Variants in RANBP17 observed in about 807,000 individuals in gnomAD.
RANBP17 encodes ran-binding protein 17.
RANBP17 carries 158 observed loss-of-function variants against 141.2 expected under a neutral mutation model. The ratio of observed to expected loss-of-function variants is 1.12; its 90% CI spans 0.98 to 1.28. The LOEUF (loss-of-function observed/expected upper bound fraction) is 1.28, where lower values mean the gene tolerates loss of function less well. RANBP17 is among the 50% of genes most tolerant of loss of function. The pLI is 0.00. For missense variants in RANBP17, 1,438 were observed against 1,290.7 expected, an observed-to-expected ratio of 1.11 and a Z score of -1.75; for synonymous variants, 430 against 450.0, an observed-to-expected ratio of 0.96 and a Z score of 0.56.
At position 170,896,126 on chromosome 5, in the gene RANBP17, CT is replaced by C; in HGVS notation, c.489+14del. 6.3e-7 allele frequency: 1 copy of C among 1,586,948 alleles called. No homozygotes were observed. The highest frequency in any genetic ancestry group is 2.3e-5 in the East Asian group (1 of 44,160). Reference sequence around the variant, plus strand: ...CAGGAAATGAACCTGGTAAGCGAGCCTTTCCATCTAACAGGAGCCTGAGTTT... The same window carrying C: ...CAGGAAATGAACCTGGTAAGCGAGCCTTCCATCTAACAGGAGCCTGAGTTT... On this transcript the variant is annotated intron_variant, in intron 5 of 27. Transcript: ENST00000523189.
intron 12 of RANBP17, among the ~76,000 whole-genome samples, chr5:170,927,380 T>C (rs1171342578): frequency 1.3e-5 from 2 of 152,146 alleles, no homozygotes; most frequent in Non-Finnish European, 2.9e-5. Flanking sequence ...CAGCCTGTCA[T>C]CTACATTAGG....
Position 170,961,695 on chromosome 5 carries a change from T to C in RANBP17, c.1575-6547T>C, listed in dbSNP as rs180699297. Among the ~76,000 whole-genome samples, 202 of 152,238 alleles carry C rather than the reference T, an allele frequency of 1.3e-3. 1 individual carries two copies. The highest frequency in any genetic ancestry group is 4.7e-3 in the African/African-American group (197 of 41,534). On this transcript the variant is annotated intron_variant, in intron 13 of 27. Transcript: ENST00000523189. The stretch of plus-strand genomic sequence containing the variant: ...GCAGATATTCCAAATTTCAAAAAAA[T>C]TAAAAATCTGAAACACTTCTGATCT...
Position 171,221,839 on chromosome 5 carries a change from T to G in RANBP17, c.2421T>G (p.Tyr807Ter). 1 of 1,564,138 alleles carries G rather than the reference T, an allele frequency of 6.4e-7. No individual in the cohort carries two copies. Among genetic ancestry groups the G allele is most frequent in the Non-Finnish European group, 8.8e-7 (1 of 1,135,656 alleles). The change falls in exon 22 of 28, where the codon TAT becomes TAG. Residue 807 changes from tyrosine (Y) to a stop codon, truncating the protein, a stop_gained and splice_region_variant. Transcript: ENST00000523189. LOFTEE classifies it high-confidence loss of function. ...AAGCTAGTAAAATGGTTTGCACTTA[T>G]GGTGAGTGTCCTTTTCCATATGTGC... ...FREASKMVCTYGNQILSLGSL... is the reference protein window; with the variant it reads ...FREASKMVCT
chr5:171,130,763 T>G (rs965921355), intron 14 of RANBP17, among the ~76,000 whole-genome samples: 1 of 152,170 alleles, frequency 6.6e-6, no homozygotes, highest in Admixed American at 6.5e-5. Flanking sequence ...TGCTTTTTAT[T>G]AAGAAGTATT....
intron 14 of RANBP17, among the ~76,000 whole-genome samples, chr5:171,055,394 C>T (rs542805754): frequency 6.6e-6 from 1 of 152,252 alleles, no homozygotes; most frequent in African/African-American, 2.4e-5. Flanking sequence ...TTTTCTCTCT[C>T]CAGTCTCCCA....
At chr5:171,098,615 T>C (rs1251037846) in intron 14 of RANBP17, among the ~76,000 whole-genome samples, 1 of 152,240 alleles carries the variant, frequency 6.6e-6, no homozygotes, top group Non-Finnish European at 1.5e-5. Flanking sequence ...ATAGTTTCTT[T>C]TGCTGTGCAG....
intron 14 of RANBP17, among the ~76,000 whole-genome samples, chr5:171,133,555 A>G (rs1299441754): frequency 1.3e-5 from 2 of 152,178 alleles, no homozygotes; most frequent in East Asian, 1.9e-4. Context: ...TCTTTCATAT[A>G]TACTAAGAGA....
intron 14 of RANBP17, among the ~76,000 whole-genome samples, chr5:171,043,960 T>G (rs749436937): frequency 5.3e-5 from 8 of 152,164 alleles, no homozygotes; most frequent in African/African-American, 1.9e-4. Context: ...TCTAAACTTA[T>G]ACAGAGGCAA....
intron 12 of RANBP17, among the ~76,000 whole-genome samples, chr5:170,950,076 T>TA (rs1480462270): frequency 6.6e-6 from 1 of 152,100 alleles, no homozygotes; most frequent in Non-Finnish European, 1.5e-5. Flanking sequence ...TTCTACCTCT[T>TA]ACCGTATACA....
chr5:171,296,152 T>C lies in RANBP17; in HGVS notation c.3170+138T>C, dbSNP rs1040201356. 5 of 803,586 alleles carry C rather than the reference T, an allele frequency of 6.2e-6. No individual in the cohort carries two copies. In the African/African-American group the frequency reaches 8.7e-5, roughly 14 times the overall value. The allele number at this position is 803,586 out of a possible 1,614,324, so 49.8% of individuals were successfully genotyped here. On this transcript the variant is annotated intron_variant, in intron 27 of 27. Transcript: ENST00000523189. ...CCTTGTGATCCTAGACTCAGTTCCA[T>C]TCCATTCAGTAAATATTGTTGGTTA...
intron 14 of RANBP17, among the ~76,000 whole-genome samples, chr5:171,169,113 T>C (rs950572673): frequency 6.6e-6 from 1 of 152,166 alleles, no homozygotes. Flanking sequence ...CCTATACCTC[T>C]GGGTGATTTG....
chr5:170,903,005 G>A (rs2127406430), intron 5 of RANBP17, among the ~76,000 whole-genome samples: 1 of 152,316 alleles, frequency 6.6e-6, no homozygotes, highest in African/African-American at 2.4e-5. Context: ...GGAGATCTGT[G>A]CCTTAGCAGA....
At chr5:171,097,475 A>G (rs1236326425) in intron 14 of RANBP17, among the ~76,000 whole-genome samples, 1 of 151,994 alleles carries the variant, frequency 6.6e-6, no homozygotes, top group Non-Finnish European at 1.5e-5. Flanking sequence ...AGTTAGATAC[A>G]CAGTGAATGA....
At chr5:171,053,912 T>TAC in intron 14 of RANBP17, among the ~76,000 whole-genome samples, 1 of 134,212 alleles carries the variant, frequency 7.5e-6, no homozygotes, top group South Asian at 2.3e-4. Flanking sequence ...TATATATATA[T>TAC]ATATATATAT....
chr5:170,958,466 C>A (rs575855176), intron 13 of RANBP17, among the ~76,000 whole-genome samples: 1 of 152,146 alleles, frequency 6.6e-6, no homozygotes, highest in Non-Finnish European at 1.5e-5. Context: ...CAAGCAAATT[C>A]AAGGTGGGGC....
At chr5:170,897,388 G>A (rs1053496378) in intron 5 of RANBP17, 14 of 432,764 alleles carry the variant, frequency 3.2e-5, no homozygotes, top group African/African-American at 1.0e-4. Flanking sequence ...TCCATTGCGC[G>A]TATGTGTACG....
chr5:171,028,981 AAGG>A, intron 14 of RANBP17: 2 of 1,279,114 alleles, frequency 1.6e-6, no homozygotes, highest in Non-Finnish European at 2.0e-6. Context: ...ATCACAGTCT[AAGG>A]TCCAGGTGAG....
chr5:171,280,942 A>C (rs1767826607), intron 25 of RANBP17, among the ~76,000 whole-genome samples: 1 of 152,192 alleles, frequency 6.6e-6, no homozygotes, highest in African/African-American at 2.4e-5. Context: ...CCTGGTTTTG[A>C]ATACCAGTTA....
intron 14 of RANBP17, among the ~76,000 whole-genome samples, chr5:171,045,894 G>A (rs1358849475): frequency 6.6e-6 from 1 of 152,022 alleles, no homozygotes; most frequent in Non-Finnish European, 1.5e-5. Context: ...CCTAACACTT[G>A]GGATCCACTG....
Sources: allele counts gnomAD v4.1 joint callset (sites outside exome capture counted in the v4.1 genomes callset), GRCh38; gene constraint gnomAD v4.1.1; transcripts MANE v1.5; gene names NCBI Gene and HGNC (gene_info 2026-07-23, HGNC 2026-07-21).